ZFAND3: variants seen among roughly 807,000 people sequenced by gnomAD.
ZFAND3 encodes the protein zinc finger AN1-type containing 3.
ZFAND3 carries 10 observed loss-of-function variants against 29.6 expected under a neutral mutation model. The observed-to-expected ratio is 0.34, with a 90% CI of 0.21 to 0.57. ZFAND3 has a LOEUF of 0.57. Among genes scored for constraint, ZFAND3 ranks in the 20% least tolerant of loss-of-function variants. ZFAND3 has a pLI of 0.86. For synonymous variants in ZFAND3, 128 were observed against 112.6 expected (o/e 1.14, Z -0.87); for missense variants, 230 against 304.5 (o/e 0.76, Z 1.82).
intron 2 of ZFAND3, among the ~76,000 whole-genome samples, chr6:37,990,937 C>A (rs1478223393): frequency 6.6e-6 from 1 of 152,156 alleles, no homozygotes. Context: ...AAGAATGACC[C>A]CAGGCATGGC....
intron 1 of ZFAND3, among the ~76,000 whole-genome samples, chr6:37,865,141 G>C (rs1003560962): frequency 2.0e-5 from 3 of 152,252 alleles, no homozygotes; most frequent in Non-Finnish European, 4.4e-5. Context: ...GCGTGCCACT[G>C]CACTCCAGCC....
Position 38,116,637 on chromosome 6 carries a change from T to C in ZFAND3, c.427T>C (p.Ser143Pro), listed in dbSNP as rs1287642224. ...ACGACTACTTGAGAATACGGAACGG[T>C]CCGAGGAAACCAGTCGATCTAAACA... is the stretch of plus-strand genomic sequence containing the variant. ...RPRLLENTER[S>P]EETSRSKQKS... The change falls in exon 5 of 6, where the codon TCC becomes CCC. Residue 143 changes from serine (S) to proline (P), a missense_variant. Around this residue, in one of 2 missense-constraint regions of ZFAND3, gnomAD observed 180 missense variants for 202.5 expected, o/e 0.89. Coordinates refer to ENST00000287218, the MANE Select transcript of ZFAND3 (RefSeq NM_021943.3). 1.4e-5 allele frequency: 23 copies of C among 1,614,040 alleles called. No homozygotes were observed. In the Admixed American group the frequency reaches 3.7e-4, roughly 26 times the overall value.
At chr6:37,930,108 G>T (rs1449069125) in intron 2 of ZFAND3, 109 bp downstream of exon 2, 2 of 1,101,636 alleles carry the variant, frequency 1.8e-6, no homozygotes, top group South Asian at 1.9e-5. Context: ...TATGCATGGG[G>T]TTTTGTTTTC....
intron 1 of ZFAND3, among the ~76,000 whole-genome samples, chr6:37,835,658 C>G (rs1008895422): frequency 1.3e-5 from 2 of 151,906 alleles, no homozygotes; most frequent in African/African-American, 4.8e-5. Flanking sequence ...AGTTTTAGTC[C>G]CTTACTGGGA....
At chr6:37,993,667 A>G (rs191669118) in intron 2 of ZFAND3, among the ~76,000 whole-genome samples, 75 of 152,298 alleles carry the variant, frequency 4.9e-4, no homozygotes, top group Admixed American at 1.8e-3. Context: ...CAAATTATTG[A>G]TAACATGAAC....
At chr6:37,854,204 G>C (rs1350706727) in intron 1 of ZFAND3, among the ~76,000 whole-genome samples, 1 of 152,166 alleles carries the variant, frequency 6.6e-6, no homozygotes, top group Non-Finnish European at 1.5e-5. Flanking sequence ...GCCTGCCTCA[G>C]CCTCCCAAAG....
At chr6:37,916,757 T>C (rs1298210884) in intron 1 of ZFAND3, among the ~76,000 whole-genome samples, 2 of 152,254 alleles carry the variant, frequency 1.3e-5, no homozygotes, top group African/African-American at 4.8e-5. Flanking sequence ...CAGTCAACCA[T>C]GTTGTGAAAG....
intron 2 of ZFAND3, among the ~76,000 whole-genome samples, chr6:38,021,421 C>CT (rs1044635238): frequency 3.3e-5 from 5 of 152,020 alleles, no homozygotes; most frequent in Non-Finnish European, 7.4e-5. Context: ...GATTCCCTAG[C>CT]TTTTTTTTCC....
intron 2 of ZFAND3, among the ~76,000 whole-genome samples, chr6:38,052,295 G>T (rs1217106387): frequency 6.6e-6 from 1 of 152,178 alleles, no homozygotes; most frequent in Non-Finnish European, 1.5e-5. Flanking sequence ...AGTTATCCAT[G>T]ATGAATAATA....
intron 1 of ZFAND3, among the ~76,000 whole-genome samples, chr6:37,825,293 C>T (rs1191361615): frequency 2.0e-5 from 3 of 152,138 alleles, no homozygotes; most frequent in Non-Finnish European, 4.4e-5. Context: ...ACTACTTATC[C>T]CTTGATTATA....
chr6:38,154,151 C>T lies in ZFAND3; in HGVS notation c.*1762C>T, dbSNP rs1397911614. 17 of 985,596 alleles carry T rather than the reference C, an allele frequency of 1.7e-5. No homozygotes were observed. The highest frequency in any genetic ancestry group is 2.0e-5 in the Non-Finnish European group (17 of 830,048). The allele number at this position is 985,596 out of a possible 1,614,324, so 61.1% of individuals were successfully genotyped here. A position where few individuals can be genotyped will look rare whatever the true frequency, so the allele number is the denominator to read the frequency against. On this transcript the variant is annotated 3_prime_UTR_variant, in exon 6 of 6. Transcript: ENST00000287218. ...TCTGCCCAGCGTTTACCACTGCTGT[C>T]AAGCCACAGCCCTTGGCCACCATAC...
chr6:38,030,009 TGAA>T (rs1763522380), intron 2 of ZFAND3, among the ~76,000 whole-genome samples: 1 of 138,724 alleles, frequency 7.2e-6, no homozygotes, highest in African/African-American at 2.6e-5. Context: ...TATTCTGCCT[TGAA>T]GAACTTTCTT....
intron 2 of ZFAND3, among the ~76,000 whole-genome samples, chr6:38,006,692 G>T (rs989960181): frequency 6.9e-6 from 1 of 145,234 alleles, no homozygotes; most frequent in African/African-American, 2.5e-5. Flanking sequence ...GATGGTTTTG[G>T]CTCAAGCTTT....
intron 1 of ZFAND3, among the ~76,000 whole-genome samples, chr6:37,889,227 T>G (rs540196240): frequency 2.0e-5 from 3 of 152,286 alleles, no homozygotes; most frequent in Non-Finnish European, 4.4e-5. Flanking sequence ...AAGCTTTCCT[T>G]CGTCTCTATT....
chr6:37,987,652 C>G (rs1361262203), intron 2 of ZFAND3, among the ~76,000 whole-genome samples: 1 of 152,192 alleles, frequency 6.6e-6, no homozygotes, highest in Non-Finnish European at 1.5e-5. Context: ...TAAATCTTAA[C>G]CCCTGTGTAA....
intron 3 of ZFAND3, 139 bp from the exon 4 acceptor site, chr6:38,082,253 C>A: frequency 1.4e-6 from 1 of 695,656 alleles, no homozygotes. Flanking sequence ...CCCACCACCA[C>A]CGTCTTTCCT....
At chr6:38,034,856 C>G (rs1299788038) in intron 2 of ZFAND3, among the ~76,000 whole-genome samples, 1 of 152,044 alleles carries the variant, frequency 6.6e-6, no homozygotes, top group Non-Finnish European at 1.5e-5. Flanking sequence ...TACAATTGTT[C>G]TCATACCACT....
chr6:38,136,828 T>C (rs961288757), intron 5 of ZFAND3, among the ~76,000 whole-genome samples: 1 of 152,240 alleles, frequency 6.6e-6, no homozygotes, highest in African/African-American at 2.4e-5. Flanking sequence ...ATCCTTGTGA[T>C]GAATGCACAG....
intron 2 of ZFAND3, among the ~76,000 whole-genome samples, chr6:38,039,883 G>C (rs910438725): frequency 2.0e-5 from 3 of 152,082 alleles, no homozygotes; most frequent in Admixed American, 1.3e-4. Context: ...CATGTTTTCT[G>C]TGCTTTGTTT....
Sources: allele counts gnomAD v4.1 joint callset (sites outside exome capture counted in the v4.1 genomes callset), GRCh38; gene constraint gnomAD v4.1.1; regional missense constraint gnomAD v4.1.1; transcripts MANE v1.5; gene names NCBI Gene and HGNC (gene_info 2026-07-23, HGNC 2026-07-21).